The following GRM5 variants were observed in gnomAD, a reference collection of about 807,000 sequenced individuals.
GRM5 encodes glutamate metabotropic receptor 5.
A neutral mutation model predicts 83.1 loss-of-function variants in GRM5; 19 were observed. The observed-to-expected ratio is 0.23, with a 90% CI of 0.16 to 0.34. The LOEUF (loss-of-function observed/expected upper bound fraction) is 0.34, where lower values mean the gene tolerates loss of function less well. GRM5 is among the 10% of genes least tolerant of loss of function. GRM5 has a pLI of 1.00. For missense variants in GRM5, 1,160 were observed against 1,588.3 expected (o/e 0.73, Z 4.58); for synonymous variants, 675 against 633.6 (o/e 1.07, Z -0.98).
At chr11:88,940,378 C>CT (rs1938050136) in intron 2 of GRM5, among the ~76,000 whole-genome samples, 1 of 108,784 alleles carries the variant, frequency 9.2e-6, no homozygotes, top group Non-Finnish European at 2.0e-5. Context: ...TTTTTTTTTT[C>CT]TTTTTTTCTT....
intron 4 of GRM5, among the ~76,000 whole-genome samples, chr11:88,610,582 T>C (rs1938285368): frequency 2.0e-5 from 3 of 152,230 alleles, no homozygotes; most frequent in African/African-American, 4.8e-5. Flanking sequence ...TCCTGAAACT[T>C]TACCGAAGTT....
chr11:88,831,901 TC>T (rs2135520572), intron 3 of GRM5, among the ~76,000 whole-genome samples: 1 of 152,304 alleles, frequency 6.6e-6, no homozygotes, highest in East Asian at 1.9e-4. Context: ...GGCCAAAGAA[TC>T]AGCTAGCCTG....
At chr11:88,921,035 T>C (rs575086257) in intron 2 of GRM5, among the ~76,000 whole-genome samples, 2 of 151,914 alleles carry the variant, frequency 1.3e-5, no homozygotes, top group African/African-American at 4.8e-5. Context: ...GTACCCTCAG[T>C]CCTGAAAATA....
chr11:89,032,227 T>C (rs991251222), intron 2 of GRM5, among the ~76,000 whole-genome samples: 30 of 152,100 alleles, frequency 2.0e-4, no homozygotes, highest in African/African-American at 7.0e-4. Flanking sequence ...AGTTGAGATT[T>C]ACAAAGGTTA....
intron 7 of GRM5, among the ~76,000 whole-genome samples, chr11:88,576,867 G>A (rs570615479): frequency 6.6e-6 from 1 of 152,220 alleles, no homozygotes; most frequent in East Asian, 1.9e-4. Flanking sequence ...TGGATTTTAC[G>A]ATTCATTTCT....
rs528340157 is a variant in GRM5 at position 88,754,181 on chromosome 11, G to A, written c.911+95725C>T. 1.4e-4 allele frequency among the ~76,000 whole-genome samples: 21 copies of A among 152,222 alleles called. No individual in the cohort carries two copies. The East Asian group carries it at 4.1e-3, about 29-fold the overall frequency. ...CATTATCCTCAGCAAATTAATGCAG[G>A]AACAGAAAACCAAACATCACCTGTT... On this transcript the variant is annotated intron_variant, in intron 3 of 9. Transcript: ENST00000305447.
Position 88,590,332 on chromosome 11 carries a change from C to T in GRM5, c.1690+269G>A, listed in dbSNP as rs76411377. On this transcript the variant is annotated intron_variant, in intron 7 of 9. Transcript: ENST00000305447. Reference sequence around the variant, plus strand: ...CCTATTTAGGAACTTCTGGGAATGTCCTGGGCATGAGGGAAGAATGCCCAG... The same window carrying T: ...CCTATTTAGGAACTTCTGGGAATGTTCTGGGCATGAGGGAAGAATGCCCAG... 9.0e-3 allele frequency among the ~76,000 whole-genome samples: 1,365 copies of T among 152,214 alleles called. 18 individuals are homozygous for T. The highest frequency in any genetic ancestry group is 0.031 in the African/African-American group (1,274 of 41,526).
At chr11:88,848,613 A>C (rs894546868) in intron 3 of GRM5, among the ~76,000 whole-genome samples, 2 of 152,228 alleles carry the variant, frequency 1.3e-5, no homozygotes, top group Non-Finnish European at 2.9e-5. Context: ...TATGCAATGA[A>C]GAAGCAGCTT....
In GRM5 at chr11:88,506,987, A is replaced by G. The variant is rs527834606; in HGVS notation, c.*1605T>C. 6.9e-6 allele frequency: 1 copy of G among 144,040 alleles called. No homozygotes were observed. The highest frequency in any genetic ancestry group is 1.9e-4 in the East Asian group (1 of 5,190). 8.9% of individuals were successfully genotyped at this position (144,040 alleles called of 1,614,324 possible). On this transcript the variant is annotated 3_prime_UTR_variant, in exon 10 of 10. Transcript: ENST00000305447. ...ATAAGGCTGGGTCAACTGAACTTTA[A>G]ATTTATAGGACACCTCCTCCATTTA...
chr11:88,892,371 A>T (rs316104), intron 2 of GRM5, among the ~76,000 whole-genome samples: 146,284 of 151,994 alleles, frequency 0.96, 70,440 homozygotes, highest in East Asian at 0.99. Flanking sequence ...ACTTTTTAAC[A>T]TGTCCAGGAC....
At chr11:88,747,749 T>G (rs990720418) in intron 3 of GRM5, among the ~76,000 whole-genome samples, 3 of 150,892 alleles carry the variant, frequency 2.0e-5, no homozygotes, top group African/African-American at 7.3e-5. Context: ...CACAGAATAA[T>G]GGACTAAAAA....
intron 2 of GRM5, among the ~76,000 whole-genome samples, chr11:88,853,682 G>A (rs614116): frequency 0.76 from 115,606 of 151,622 alleles, 44,860 homozygotes; most frequent in East Asian, 0.99. Context: ...TTTGACTTTT[G>A]AAAATATGAA....
intron 3 of GRM5, among the ~76,000 whole-genome samples, chr11:88,836,810 C>T (rs1180757008): frequency 6.6e-6 from 1 of 151,598 alleles, no homozygotes; most frequent in African/African-American, 2.4e-5. Flanking sequence ...AAACAAAAAA[C>T]AAAAAACAAA....
At chr11:88,786,235 A>T (rs1943065759) in intron 3 of GRM5, among the ~76,000 whole-genome samples, 1 of 152,128 alleles carries the variant, frequency 6.6e-6, no homozygotes, top group African/African-American at 2.4e-5. Context: ...TGTGTTCTGA[A>T]TGTGAATAGG....
chr11:88,752,915 T>G (rs1294087100), intron 3 of GRM5, among the ~76,000 whole-genome samples: 2 of 152,164 alleles, frequency 1.3e-5, no homozygotes, highest in African/African-American at 4.8e-5. Flanking sequence ...TCCAGAAAAT[T>G]GAAACTGGAC....
intron 1 of GRM5, among the ~76,000 whole-genome samples, chr11:89,051,142 G>T (rs1398980816): frequency 6.6e-6 from 1 of 151,960 alleles, no homozygotes; most frequent in Non-Finnish European, 1.5e-5. Flanking sequence ...GATAGTCCCA[G>T]CTACTCGGGA....
chr11:88,736,177 A>AAAT (rs1239333104), intron 3 of GRM5, among the ~76,000 whole-genome samples: 1 of 152,074 alleles, frequency 6.6e-6, no homozygotes, highest in African/African-American at 2.4e-5. Flanking sequence ...AACATTTACA[A>AAAT]AATATAAGGT....
chr11:88,689,710 A>G (rs1477480193), intron 3 of GRM5, among the ~76,000 whole-genome samples: 1 of 152,124 alleles, frequency 6.6e-6, no homozygotes, highest in Non-Finnish European at 1.5e-5. Flanking sequence ...CTCAGCTTTA[A>G]GGTCACGCCT....
chr11:88,874,021 T>C (rs1346979588), intron 2 of GRM5, among the ~76,000 whole-genome samples: 11 of 151,720 alleles, frequency 7.3e-5, no homozygotes, highest in Non-Finnish European at 1.6e-4. Flanking sequence ...GATTGAATAA[T>C]GAAGACACAG....
Sources: gnomAD v4.1 joint callset for allele counts (sites outside exome capture counted in the v4.1 genomes callset) on GRCh38, gnomAD v4.1.1 for gene constraint, MANE v1.5 for transcripts, NCBI Gene and HGNC (gene_info 2026-07-23, HGNC 2026-07-21) for gene names.